The following TRIO variants were observed in gnomAD, a reference collection of about 807,000 sequenced individuals.
TRIO encodes the protein triple functional domain protein.
TRIO carries 58 observed loss-of-function variants against 351.9 expected under a neutral mutation model. The observed-to-expected ratio is 0.16, with a 90% confidence interval of 0.13 to 0.21. The LOEUF (loss-of-function observed/expected upper bound fraction) is 0.21, where lower values mean the gene tolerates loss of function less well. Ranked by LOEUF, TRIO falls within the 10% of genes least tolerant of loss-of-function variation. The pLI is 1.00. For synonymous variants in TRIO, 1,758 were observed against 1,595.7 expected (o/e 1.10, Z -2.42); for missense variants, 3,201 against 4,027.8 (o/e 0.79, Z 5.56).
chr5:14,257,910 A>G (rs890909225), intron 1 of TRIO, among the ~76,000 whole-genome samples: 2 of 152,224 alleles, frequency 1.3e-5, no homozygotes, highest in Non-Finnish European at 2.9e-5. Flanking sequence ...TCAGATATTA[A>G]TACTTTAATA....
At chr5:14,428,867 G>A (rs185574500) in intron 34 of TRIO, among the ~76,000 whole-genome samples, 2 of 152,240 alleles carry the variant, frequency 1.3e-5, no homozygotes, top group East Asian at 1.9e-4. Context: ...AAAATGAGAC[G>A]GGCCCTGAGG....
chr5:14,232,899 TA>T (rs1311098372), intron 1 of TRIO, among the ~76,000 whole-genome samples: 1 of 152,218 alleles, frequency 6.6e-6, no homozygotes, highest in Non-Finnish European at 1.5e-5. Flanking sequence ...CAGGACCCAC[TA>T]AACTTGGAGC....
At position 14,468,316 on chromosome 5, in the gene TRIO, G is replaced by GATAGACTTGGGTTC. The variant is rs1410335079; in HGVS notation, c.5763+2678_5763+2691dup. Among the ~76,000 whole-genome samples, 17 of 152,388 alleles carry GATAGACTTGGGTTC rather than the reference G, an allele frequency of 1.1e-4. No homozygotes were observed. The South Asian group carries it at 3.1e-3, about 28-fold the overall frequency. On this transcript the variant is annotated intron_variant, in intron 37 of 56. Transcript: ENST00000344204. ...AGGAAAGGCATAGGTTTTGGAGTCA[G>GATAGACTTGGGTTC]ATAGACTTGGGTTCACAGTCTCATT...
intron 1 of TRIO, among the ~76,000 whole-genome samples, chr5:14,224,176 A>C (rs1474421220): frequency 3.9e-5 from 6 of 151,940 alleles, no homozygotes; most frequent in Non-Finnish European, 7.4e-5. Context: ...CATTATTATT[A>C]TATTATTATT....
chr5:14,210,139 G>A (rs896938908), intron 1 of TRIO, among the ~76,000 whole-genome samples: 17 of 152,218 alleles, frequency 1.1e-4, no homozygotes, highest in African/African-American at 4.1e-4. Flanking sequence ...GGAGCGGTCG[G>A]CCCCTTTGGT....
At chr5:14,295,935 C>T (rs774117429) in intron 6 of TRIO, among the ~76,000 whole-genome samples, 1 of 152,154 alleles carries the variant, frequency 6.6e-6, no homozygotes, top group Non-Finnish European at 1.5e-5. Context: ...GAGGCAACTC[C>T]ACCAAGTTCT....
chr5:14,403,650 T>TGAG (rs1748399534), intron 31 of TRIO, among the ~76,000 whole-genome samples: 8 of 125,278 alleles, frequency 6.4e-5, no homozygotes, highest in African/African-American at 2.6e-4. Context: ...GTGCAGGTGG[T>TGAG]GGTGAGGGTG....
chr5:14,451,331 A>C (rs943701385), intron 34 of TRIO, among the ~76,000 whole-genome samples: 11 of 144,786 alleles, frequency 7.6e-5, no homozygotes, highest in African/African-American at 2.3e-4. Context: ...TTCTTTATTC[A>C]AAAAAAAAAA....
chr5:14,281,424 ACCCC>A (rs3061076), intron 3 of TRIO, among the ~76,000 whole-genome samples: 3 of 89,410 alleles, frequency 3.4e-5, no homozygotes, highest in African/African-American at 1.4e-4. Flanking sequence ...AGCCGTTAGA[ACCCC>A]CCCCCCCCGC....
At position 14,335,736 on chromosome 5, in the gene TRIO, G is replaced by T. The variant is rs548216972; in HGVS notation, c.1855-800G>T. Among the ~76,000 whole-genome samples, 24 of 152,308 alleles carry T rather than the reference G, an allele frequency of 1.6e-4. No homozygotes were observed. The East Asian group carries it at 4.6e-3, about 29-fold the overall frequency. ...TCCTGGTACTTTGGGAGGCCAAGAC[G>T]AGAGGATTATCTGAGCCCAGGAGTT... On this transcript the variant is annotated intron_variant, in intron 10 of 56. Coordinates refer to ENST00000344204, the MANE Select transcript of TRIO (RefSeq NM_007118.4).
intron 19 of TRIO, among the ~76,000 whole-genome samples, chr5:14,374,651 TA>T (rs1745399809): frequency 6.6e-6 from 1 of 152,064 alleles, no homozygotes; most frequent in South Asian, 2.1e-4. Flanking sequence ...AAAAAATAAA[TA>T]GGGGGAAAGG....
At chr5:14,355,140 C>T (rs1437529208) in intron 11 of TRIO, among the ~76,000 whole-genome samples, 1 of 152,212 alleles carries the variant, frequency 6.6e-6, no homozygotes, top group Non-Finnish European at 1.5e-5. Flanking sequence ...CACCCCACCA[C>T]CTGCATGTGG....
chr5:14,206,789 C>A (rs778536182), intron 1 of TRIO, among the ~76,000 whole-genome samples: 12 of 152,190 alleles, frequency 7.9e-5, no homozygotes, highest in Non-Finnish European at 1.8e-4. Flanking sequence ...AATAAAACTT[C>A]CTAGGATATA....
At chr5:14,492,511 C>G in intron 48 of TRIO, 56 bp from the exon 49 acceptor site, 1 of 1,589,280 alleles carries the variant, frequency 6.3e-7, no homozygotes, top group Non-Finnish European at 8.6e-7. Flanking sequence ...TTCATGTGAT[C>G]AGGTCTCGTT....
chr5:14,457,873 A>G (rs887574979), intron 34 of TRIO, among the ~76,000 whole-genome samples: 9 of 152,036 alleles, frequency 5.9e-5, no homozygotes, highest in Admixed American at 2.0e-4. Context: ...CTTAGGCTTC[A>G]TACCACTCCT....
intron 28 of TRIO, among the ~76,000 whole-genome samples, chr5:14,395,271 C>T (rs1310974154): frequency 1.3e-5 from 2 of 152,158 alleles, no homozygotes; most frequent in Non-Finnish European, 2.9e-5. Flanking sequence ...TGACCATTCC[C>T]GCAGAAATAT....
chr5:14,225,795 C>A (rs370864728), intron 1 of TRIO, among the ~76,000 whole-genome samples: 5 of 128,676 alleles, frequency 3.9e-5, no homozygotes, highest in South Asian at 5.7e-4. Flanking sequence ...TGCTCCCACC[C>A]CCCCCCCCAC....
chr5:14,313,810 C>T (rs1381384918), intron 8 of TRIO, among the ~76,000 whole-genome samples: 2 of 152,166 alleles, frequency 1.3e-5, no homozygotes, highest in African/African-American at 4.8e-5. Context: ...AGCATACCTG[C>T]CAGCTTAGCC....
intron 1 of TRIO, among the ~76,000 whole-genome samples, chr5:14,269,668 C>T (rs1048609019): frequency 2.0e-5 from 3 of 152,150 alleles, no homozygotes; most frequent in Non-Finnish European, 2.9e-5. Flanking sequence ...TGGAGAGAGT[C>T]GTTTTTTATA....
Sources: allele counts gnomAD v4.1 joint callset (sites outside exome capture counted in the v4.1 genomes callset), GRCh38; gene constraint gnomAD v4.1.1; transcripts MANE v1.5; gene names NCBI Gene and HGNC (gene_info 2026-07-23, HGNC 2026-07-21).